The following ZFHX3 variants were observed in gnomAD, a reference collection of about 807,000 sequenced individuals.
The protein encoded by ZFHX3 is zinc finger homeobox protein 3.
Under a neutral mutation model 279.1 loss-of-function variants are expected in ZFHX3, and 42 were observed. The observed-to-expected ratio is 0.15, with a 90% CI of 0.12 to 0.19. ZFHX3 has a LOEUF of 0.19. ZFHX3 is among the 10% of genes least tolerant of loss of function. The probability of loss-of-function intolerance (pLI) is 1.00; values close to 1 mark genes in which losing one functional copy is unlikely to be tolerated. For synonymous variants in ZFHX3, 2,293 were observed against 1,957.8 expected, an observed-to-expected ratio of 1.17 and a Z score of -4.52; for missense variants, 4,981 against 4,754.0, an observed-to-expected ratio of 1.05 and a Z score of -1.40.
intron 2 of ZFHX3, among the ~76,000 whole-genome samples, chr16:73,466,280 G>A (rs903929576): frequency 3.9e-5 from 6 of 152,088 alleles, no homozygotes; most frequent in African/African-American, 1.4e-4. Context: ...CCAGGAGTTC[G>A]GTACCAGCCT....
chr16:73,674,502 C>G (rs977701539), intron 2 of ZFHX3, among the ~76,000 whole-genome samples: 1 of 152,214 alleles, frequency 6.6e-6, no homozygotes, highest in Non-Finnish European at 1.5e-5. Context: ...ATAGACAACA[C>G]TCAGCATGAA....
intron 1 of ZFHX3, among the ~76,000 whole-genome samples, chr16:73,835,620 G>A (rs13330877): frequency 0.053 from 8,080 of 151,574 alleles, 464 homozygotes; most frequent in African/African-American, 0.15. Flanking sequence ...ACAGGCACCC[G>A]CCACCATGCC....
chr16:72,940,764 TC>T (rs1960373666), intron 3 of ZFHX3, among the ~76,000 whole-genome samples: 1 of 152,218 alleles, frequency 6.6e-6, no homozygotes, highest in Non-Finnish European at 1.5e-5. Context: ...TCATCCTGAG[TC>T]CGGGAACATG....
chr16:73,742,149 G>A (rs1389664164), intron 1 of ZFHX3, among the ~76,000 whole-genome samples: 7 of 152,150 alleles, frequency 4.6e-5, no homozygotes. Context: ...TTTGAAGAAA[G>A]CTATTTATAC....
At chr16:73,752,833 A>G (rs145426666) in intron 1 of ZFHX3, among the ~76,000 whole-genome samples, 3 of 152,196 alleles carry the variant, frequency 2.0e-5, no homozygotes, top group Middle Eastern at 3.4e-3. Context: ...TAGTATGGAC[A>G]CTCTTTCAGA....
At chr16:73,353,880 G>A (rs922201286) in intron 3 of ZFHX3, among the ~76,000 whole-genome samples, 1 of 152,088 alleles carries the variant, frequency 6.6e-6, no homozygotes, top group African/African-American at 2.4e-5. Context: ...TCATGATAAC[G>A]ACAGGTAACA....
chr16:73,560,826 C>G (rs372616945), intron 2 of ZFHX3, among the ~76,000 whole-genome samples: 2 of 152,168 alleles, frequency 1.3e-5, no homozygotes, highest in East Asian at 1.9e-4. Context: ...AATAGCACCT[C>G]AGGTCAAAGA....
At position 72,787,039 on chromosome 16, in the gene ZFHX3, C is replaced by CTTTTTTTTTTTTTTTTTTTT. The variant is rs76239888; in HGVS notation, c.*124_*125insAAAAAAAAAAAAAAAAAAAA. On this transcript the variant is annotated 3_prime_UTR_variant, in exon 10 of 10. Transcript: ENST00000268489. Reference sequence around the variant, plus strand: ...ACAACCCACGCTTTTTCTTTTTTTTCTTTTTTTTTTTTTTTTTGTTTTTTG... The same window carrying CTTTTTTTTTTTTTTTTTTTT: ...ACAACCCACGCTTTTTCTTTTTTTTCTTTTTTTTTTTTTTTTTTTTTTTTTTTTTTTTTTTTTGTTTTTTG... The CTTTTTTTTTTTTTTTTTTTT allele has an allele frequency of 1.6e-6, 1 of 622,214 alleles. No homozygotes were observed. The highest frequency in any genetic ancestry group is 7.0e-5 in the South Asian group (1 of 14,334). The allele number at this position is 622,214 out of a possible 1,614,324, so 38.5% of individuals were successfully genotyped here. A position where few individuals can be genotyped will look rare whatever the true frequency, so the allele number is the denominator to read the frequency against.
chr16:73,866,270 C>T (rs1884715680), intron 1 of ZFHX3, among the ~76,000 whole-genome samples: 1 of 148,218 alleles, frequency 6.7e-6, no homozygotes, highest in South Asian at 2.2e-4. Context: ...ACCTCCGTCT[C>T]CCAGGTTCAA....
chr16:72,929,466 A>C (rs1334043688), intron 3 of ZFHX3, among the ~76,000 whole-genome samples: 1 of 152,194 alleles, frequency 6.6e-6, no homozygotes, highest in Non-Finnish European at 1.5e-5. Context: ...CCAAGCTCTA[A>C]GCCAAGTTTA....
At chr16:72,986,636 T>A (rs1479871371) in intron 1 of ZFHX3, among the ~76,000 whole-genome samples, 1 of 152,178 alleles carries the variant, frequency 6.6e-6, no homozygotes, top group Admixed American at 6.5e-5. Flanking sequence ...TATTGAATTA[T>A]CGGCACCGTC....
chr16:73,267,153 G>A (rs893062772), intron 4 of ZFHX3, among the ~76,000 whole-genome samples: 3 of 152,206 alleles, frequency 2.0e-5, no homozygotes, highest in South Asian at 2.1e-4. Context: ...TGGCAGATAC[G>A]TTTGCCTGGG....
At chr16:73,724,321 A>G (rs538383681) in intron 1 of ZFHX3, among the ~76,000 whole-genome samples, 1 of 152,344 alleles carries the variant, frequency 6.6e-6, no homozygotes, top group African/African-American at 2.4e-5. Context: ...ATTTCTACTG[A>G]TACACATTTT....
chr16:73,115,375 T>TAAA (rs1475977264), intron 7 of ZFHX3, among the ~76,000 whole-genome samples: 1 of 32,206 alleles, frequency 3.1e-5, no homozygotes, highest in African/African-American at 1.1e-4. Flanking sequence ...ACCCTATCTC[T>TAAA]ACAAAAAAAA....
intron 1 of ZFHX3, among the ~76,000 whole-genome samples, chr16:73,769,652 C>G (rs929156508): frequency 6.6e-6 from 1 of 152,116 alleles, no homozygotes; most frequent in African/African-American, 2.4e-5. Context: ...GGAATTTCTA[C>G]CTTTTTAACC....
In ZFHX3 at chr16:73,070,291, C is replaced by T. The variant is rs200190187; in HGVS notation, c.-532-11279G>A. ...CATCTGATCCTTTCACTCTAAACTG[C>T]GGCCGTGCAATTCATCCTTAATCTA... On this transcript the variant is annotated intron_variant, in intron 8 of 17. Coordinates refer to the ZFHX3 transcript ENST00000641206. Among the ~76,000 whole-genome samples, 9 of 152,196 alleles carry T rather than the reference C, an allele frequency of 5.9e-5. No individual in the cohort carries two copies. The East Asian group carries it at 1.2e-3, about 20-fold the overall frequency.
chr16:73,057,847 G>A (rs1397200548), intron 1 of ZFHX3, among the ~76,000 whole-genome samples: 7 of 150,300 alleles, frequency 4.7e-5, no homozygotes, highest in Non-Finnish European at 1.0e-4. Flanking sequence ...AGCGCGGAAG[G>A]CGCTCGCCCG....
At position 72,811,698 on chromosome 16, in the gene ZFHX3, A is replaced by C; in HGVS notation, c.3743T>G (p.Val1248Gly). Reference protein sequence around the residue: ...LRVHAMTQHSVQPMLRCPLCQ... With the variant: ...LRVHAMTQHSGQPMLRCPLCQ... ...CAGGGGGCAGCGAAGCATGGGTTGCACCGAGTGCTGCGTCATGGCATGCAC... is the reference window on the plus strand; with the variant it reads ...CAGGGGGCAGCGAAGCATGGGTTGCCCCGAGTGCTGCGTCATGGCATGCAC... Residue 1248 changes from valine (V) to glycine (G), a missense_variant, in exon 7 of 10, where the codon GTG becomes GGG. Physicochemically the swap from Val to Gly is moderately radical, Grantham distance 109 (BLOSUM62 -3). Around this residue, in one of 7 missense-constraint regions of ZFHX3, gnomAD observed 1,751 missense variants for 1,770.0 expected, o/e 0.99. Transcript: ENST00000268489. The C allele has an allele frequency of 3.1e-6, 5 of 1,614,044 alleles. No homozygotes were observed. The highest frequency in any genetic ancestry group is 4.2e-6 in the Non-Finnish European group (5 of 1,180,008).
At chr16:73,607,002 C>CA (rs1555527890) in intron 2 of ZFHX3, among the ~76,000 whole-genome samples, 1 of 152,066 alleles carries the variant, frequency 6.6e-6, no homozygotes, top group Admixed American at 6.6e-5. Flanking sequence ...CAAACAACAA[C>CA]AACAAAAACA....
Sources: gnomAD v4.1 joint callset for allele counts (sites outside exome capture counted in the v4.1 genomes callset) on GRCh38, gnomAD v4.1.1 for gene constraint, gnomAD v4.1.1 regional missense constraint, MANE v1.5 for transcripts, NCBI Gene and HGNC (gene_info 2026-07-23, HGNC 2026-07-21) for gene names.